Variants in SMS observed in about 807,000 individuals in gnomAD.
SMS encodes the protein spermine synthase, also known as spermidine aminopropyltransferase.
SMS carries 3 observed loss-of-function variants against 33.0 expected under a neutral mutation model. The observed-to-expected ratio is 0.09, with a 90% CI of 0.04 to 0.23. SMS has a LOEUF of 0.23. Ranked by LOEUF, SMS falls within the 10% of genes least tolerant of loss-of-function variation. The probability of loss-of-function intolerance (pLI) is 1.00; values close to 1 mark genes in which losing one functional copy is unlikely to be tolerated. For missense variants in SMS, 117 were observed against 288.6 expected, an observed-to-expected ratio of 0.41 and a Z score of 4.31; for synonymous variants, 103 against 112.2, an observed-to-expected ratio of 0.92 and a Z score of 0.52.
intron 7 of SMS, among the ~76,000 whole-genome samples, chrX:21,979,298 TC>T: frequency 9.0e-6 from 1 of 110,560 alleles, no homozygotes; most frequent in East Asian, 2.8e-4. Context: ...GAACCCATCA[TC>T]TAGGTTTTAA....
intron 1 of SMS, among the ~76,000 whole-genome samples, chrX:21,952,449 A>T (rs1922683012): frequency 2.1e-5 from 2 of 97,362 alleles, no homozygotes; most frequent in Non-Finnish European, 2.0e-5. Flanking sequence ...ATGTTGAACT[A>T]GCCTTGTATA....
chrX:21,978,083 A>G lies in SMS; in HGVS notation c.629A>G (p.Lys210Arg), dbSNP rs1924653857. 1.7e-6 allele frequency: 2 copies of G among 1,207,964 alleles called. No individual in the cohort carries two copies. The highest frequency in any genetic ancestry group is 2.2e-5 in the Admixed American group (1 of 45,726). ...GGAGGCATATTGTGTGAAATAGTCA[A>G]ACTAAAACCAAAGATGGTCACTATG... ...GDGGILCEIV[K>R]LKPKMVTMVE... is the part of the protein sequence containing the mutation. The change falls in exon 6 of 11, where the codon AAA becomes AGA. Residue 210 changes from lysine to arginine, a missense_variant. Around this residue, in one of 3 missense-constraint regions of SMS, gnomAD observed 69 missense variants for 203.8 expected, o/e 0.34. Coordinates refer to ENST00000404933, the MANE Select transcript of SMS (RefSeq NM_004595.5).
chrX:21,955,934 G>T (rs1922943737), intron 1 of SMS, among the ~76,000 whole-genome samples: 1 of 112,086 alleles, frequency 8.9e-6, no homozygotes, highest in Non-Finnish European at 1.9e-5. Flanking sequence ...GGTTAAATCA[G>T]AAGGGTGAGG....
intron 9 of SMS, among the ~76,000 whole-genome samples, chrX:21,988,005 C>T (rs1007136286): frequency 2.7e-5 from 3 of 112,246 alleles, no homozygotes; most frequent in African/African-American, 9.7e-5. Context: ...GACTTTTTAC[C>T]AAAATCAAAA....
chrX:21,965,043 A>G (rs1923604602), intron 1 of SMS, among the ~76,000 whole-genome samples: 1 of 110,097 alleles, frequency 9.1e-6, no homozygotes, highest in Non-Finnish European at 1.9e-5. Flanking sequence ...AATCACTCCA[A>G]TCTCTGCCTC....
At chrX:21,963,390 G>A (rs766733127) in intron 1 of SMS, among the ~76,000 whole-genome samples, 1 of 112,470 alleles carries the variant, frequency 8.9e-6, no homozygotes, top group East Asian at 2.8e-4. Flanking sequence ...CCGCACAAAT[G>A]AATAGGGCTT....
chrX:21,985,047 T>C, intron 8 of SMS, 97 bp from the exon 9 acceptor site: 1 of 563,496 alleles, frequency 1.8e-6, no homozygotes, highest in Non-Finnish European at 3.1e-6. Flanking sequence ...TCTTTTTCTT[T>C]TTCCTCTTTT....
rs191195331 is a variant in SMS, at chrX:21,943,413, G to A, written c.49+2540G>A. Reference sequence around the variant, plus strand: ...GTGGGAGGGAGGAGGAGAAACTGACGTTTTTGAAGTTGGAAAGGTGTGGAA... The same window carrying A: ...GTGGGAGGGAGGAGGAGAAACTGACATTTTTGAAGTTGGAAAGGTGTGGAA... On this transcript the variant is annotated intron_variant, in intron 1 of 10. Coordinates refer to ENST00000404933, the MANE Select transcript of SMS (RefSeq NM_004595.5). 1.3e-4 allele frequency among the ~76,000 whole-genome samples: 14 copies of A among 111,867 alleles called. No homozygotes were observed. In the East Asian group the frequency reaches 3.6e-3, roughly 29 times the overall value.
intron 9 of SMS, among the ~76,000 whole-genome samples, 188 bp downstream of exon 9, chrX:21,985,411 C>A (rs1018559081): frequency 8.9e-6 from 1 of 111,774 alleles, no homozygotes; most frequent in African/African-American, 3.3e-5. Flanking sequence ...CAGCCCTGGT[C>A]TTTCGCTGTA....
intron 9 of SMS, 70 bp from the exon 10 acceptor site, chrX:21,992,527 A>G: frequency 1.6e-6 from 1 of 616,198 alleles, no homozygotes; most frequent in Non-Finnish European, 2.8e-6. Flanking sequence ...TCCTTTATTA[A>G]AGACCTTCAG....
chrX:21,970,103 C>T (rs777038588), intron 2 of SMS, among the ~76,000 whole-genome samples: 1 of 113,009 alleles, frequency 8.8e-6, no homozygotes, highest in East Asian at 2.8e-4. Context: ...TGAGCCACCG[C>T]GCCTGGCCAG....
chrX:21,944,539 A>AAAAAGAAAAAAAAAAAAAAAG (rs1922059155), intron 1 of SMS, among the ~76,000 whole-genome samples: 1 of 81,439 alleles, frequency 1.2e-5, no homozygotes, highest in African/African-American at 4.9e-5. Flanking sequence ...AAAAAAAAAA[A>AAAAAGAAAAAAAAAAAAAAAG]AAAAAAGAAA....
intron 1 of SMS, among the ~76,000 whole-genome samples, chrX:21,956,466 A>T (rs1170411230): frequency 1.9e-5 from 2 of 106,735 alleles, no homozygotes; most frequent in African/African-American, 6.9e-5. Flanking sequence ...TTTTATTTTT[A>T]TTTTTATTTT....
chrX:21,964,473 G>A (rs906724434), intron 1 of SMS, among the ~76,000 whole-genome samples: 6 of 111,339 alleles, frequency 5.4e-5, no homozygotes, highest in African/African-American at 2.0e-4. Context: ...GCATTCTGAG[G>A]GGGAGGAAAC....
chrX:21,970,063 C>T (rs181715862), intron 2 of SMS, among the ~76,000 whole-genome samples: 38 of 113,201 alleles, frequency 3.4e-4, no homozygotes, highest in Non-Finnish European at 5.8e-4. Context: ...CCACCTGCCT[C>T]GGCCTCCCAA....
chrX:21,980,403 G>A (rs1291554166), intron 7 of SMS, among the ~76,000 whole-genome samples: 1 of 68,381 alleles, frequency 1.5e-5, no homozygotes, highest in Non-Finnish European at 2.6e-5. Flanking sequence ...GGCAACAGAG[G>A]GAGACTGTCT....
rs367808930 is a variant in SMS, at chrX:21,947,739, G to C, written c.49+6866G>C. Among the ~76,000 whole-genome samples the C allele has an allele frequency of 3.6e-5, 4 of 111,418 alleles. No individual in the cohort carries two copies. In the East Asian group the frequency reaches 1.1e-3, roughly 32 times the overall value. On this transcript the variant is annotated intron_variant, in intron 1 of 10. Transcript: ENST00000404933. ...TTCCGTGGGTCCCTATTACCCCATGGATGAAGTCTAAACTCTGTATCAACA... is the reference window on the plus strand; with the variant it reads ...TTCCGTGGGTCCCTATTACCCCATGCATGAAGTCTAAACTCTGTATCAACA...
intron 2 of SMS, among the ~76,000 whole-genome samples, chrX:21,969,299 G>A (rs1440288710): frequency 9.0e-6 from 1 of 111,717 alleles, no homozygotes; most frequent in Admixed American, 9.5e-5. Context: ...GTGTTTAGTC[G>A]ATACCTCAAA....
In SMS at chrX:21,972,388, G is replaced by A. The variant is rs1924227772; in HGVS notation, c.265-119G>A. ...GCGTCTACAGGCTGCTAGAGGGTAG[G>A]AGGAGGGACAGGTCAATCTTGCACA... On this transcript the variant is annotated intron_variant, in intron 3 of 10. Transcript: ENST00000404933. The A allele has an allele frequency of 5.7e-6, 3 of 529,130 alleles. No individual in the cohort carries two copies. In the East Asian group the frequency reaches 1.1e-4, roughly 19 times the overall value. 43.6% of individuals were successfully genotyped at this position (529,130 alleles called of 1,213,427 possible).
Sources: gnomAD v4.1 joint callset for allele counts (sites outside exome capture counted in the v4.1 genomes callset) on GRCh38, gnomAD v4.1.1 for gene constraint, gnomAD v4.1.1 regional missense constraint, MANE v1.5 for transcripts, NCBI Gene and HGNC (gene_info 2026-07-23, HGNC 2026-07-21) for gene names.